NUCB1: variants seen among roughly 807,000 people sequenced by gnomAD.
NUCB1 encodes the protein nucleobindin-1.
NUCB1 carries 47 observed loss-of-function variants against 61.2 expected under a neutral mutation model. That is an observed-to-expected ratio of 0.77 (90% CI 0.61 to 0.98). NUCB1 has a LOEUF of 0.98. Among genes scored for constraint, NUCB1 ranks in the 50% least tolerant of loss-of-function variants. The probability of loss-of-function intolerance (pLI) is 0.00; values close to 1 mark genes in which losing one functional copy is unlikely to be tolerated. For missense variants in NUCB1, 583 were observed against 605.3 expected, an observed-to-expected ratio of 0.96 and a Z score of 0.39; for synonymous variants, 234 against 243.1, an observed-to-expected ratio of 0.96 and a Z score of 0.35.
intron 6 of NUCB1, 24 bp downstream of exon 6, chr19:48,913,220 C>G (rs1274658895): frequency 6.3e-7 from 1 of 1,584,466 alleles, no homozygotes; most frequent in Non-Finnish European, 8.6e-7. Flanking sequence ...TTGTGCCCAT[C>G]CACTCCCTAC....
At chr19:48,909,983 AC>A (rs2037454201) in intron 4 of NUCB1, among the ~76,000 whole-genome samples, 1 of 152,202 alleles carries the variant, frequency 6.6e-6, no homozygotes, top group Non-Finnish European at 1.5e-5. Flanking sequence ...TAGGACTTCA[AC>A]ATAGAAACTT....
intron 3 of NUCB1, 42 bp downstream of exon 3, chr19:48,904,496 G>C (rs1253126600): frequency 7.7e-7 from 1 of 1,302,440 alleles, no homozygotes; most frequent in Non-Finnish European, 1.1e-6. Flanking sequence ...GGTACGTGCT[G>C]GGAGGGCAGA....
At chr19:48,913,747 G>A (rs2037506729) in intron 7 of NUCB1, among the ~76,000 whole-genome samples, 183 bp downstream of exon 7, 1 of 152,156 alleles carries the variant, frequency 6.6e-6, no homozygotes, top group Non-Finnish European at 1.5e-5. Flanking sequence ...GATCTGCATG[G>A]AAGGGTTGGG....
chr19:48,913,411 T>C, intron 6 of NUCB1, 63 bp from the exon 7 acceptor site: 2 of 1,423,002 alleles, frequency 1.4e-6, no homozygotes, highest in Non-Finnish European at 2.0e-6. Context: ...TAAAGGGATA[T>C]TTGGTTTTAT....
At chr19:48,915,855 C>A (rs1313058332) in intron 7 of NUCB1, among the ~76,000 whole-genome samples, 2 of 151,794 alleles carry the variant, frequency 1.3e-5, no homozygotes, top group Non-Finnish European at 2.9e-5. Flanking sequence ...TGCTATGTTG[C>A]CCAGGCTGGA....
At chr19:48,911,636 C>T (rs890776857) in intron 5 of NUCB1, among the ~76,000 whole-genome samples, 1 of 151,934 alleles carries the variant, frequency 6.6e-6, no homozygotes. Context: ...GAACTCCTGA[C>T]CTCAGGTGAT....
chr19:48,911,062 C>G lies in NUCB1; in HGVS notation c.377-87C>G. ...GTCTTCTGGGCTTCCCTAGTGCTGT[C>G]CGTGACTTCTTTGGATCATGTCTGG... On this transcript the variant is annotated intron_variant, in intron 4 of 12. Transcript: ENST00000405315. 3.1e-6 allele frequency: 3 copies of G among 956,950 alleles called. No individual in the cohort carries two copies. In the South Asian group the frequency reaches 4.3e-5, roughly 14 times the overall value. 59.3% of individuals were successfully genotyped at this position (956,950 alleles called of 1,614,324 possible). A position where few individuals can be genotyped will look rare whatever the true frequency, so the allele number is the denominator to read the frequency against.
At chr19:48,918,051 C>A (rs989971024) in intron 7 of NUCB1, among the ~76,000 whole-genome samples, 1 of 152,030 alleles carries the variant, frequency 6.6e-6, no homozygotes, top group African/African-American at 2.4e-5. Context: ...GACCCCCAGG[C>A]CTGAGCCCTG....
intron 4 of NUCB1, among the ~76,000 whole-genome samples, chr19:48,909,519 T>C (rs1019283357): frequency 3.3e-5 from 5 of 151,928 alleles, no homozygotes; most frequent in Non-Finnish European, 7.4e-5. Flanking sequence ...AGTGCTAGGA[T>C]TACAGGTGTG....
At chr19:48,909,984 C>T (rs2037454166) in intron 4 of NUCB1, among the ~76,000 whole-genome samples, 1 of 152,154 alleles carries the variant, frequency 6.6e-6, no homozygotes. Flanking sequence ...AGGACTTCAA[C>T]ATAGAAACTT....
intron 3 of NUCB1, among the ~76,000 whole-genome samples, chr19:48,904,769 A>G (rs2037394833): frequency 6.6e-6 from 1 of 151,950 alleles, no homozygotes; most frequent in Non-Finnish European, 1.5e-5. Context: ...TGATCCTCCC[A>G]TCTCGGCTTC....
rs1362354834 is a variant in NUCB1, at chr19:48,922,420, T to A, written c.1382T>A (p.Leu461Gln). 6.2e-7 allele frequency: 1 copy of A among 1,612,738 alleles called. No homozygotes were observed. The highest frequency in any genetic ancestry group is 8.5e-7 in the Non-Finnish European group (1 of 1,178,968). Residue 461 changes from leucine (L) to glutamine (Q), a missense_variant, in exon 13 of 13, where the codon CTG becomes CAG. Leu to Gln is a moderately radical substitution (Grantham distance 113, BLOSUM62 -2). Coordinates refer to ENST00000405315, the MANE Select transcript of NUCB1 (RefSeq NM_006184.6). ...RLPEVEVPQH[L>Q] The stretch of plus-strand genomic sequence containing the variant: ...CCTGAGGTTGAGGTGCCCCAGCATC[T>A]GTGATCCTCCGGGACCCCAGCCCTC...
chr19:48,921,734 C>A, intron 11 of NUCB1, 93 bp from the exon 12 acceptor site: 1 of 1,197,102 alleles, frequency 8.4e-7, no homozygotes, highest in Non-Finnish European at 1.2e-6. Context: ...ACTTAGCAGG[C>A]TGCTGTGAAG....
rs750775217 is a variant in NUCB1 at position 48,913,143 on chromosome 19, A to G, written c.613A>G (p.Lys205Glu). ...GGAGCAGAGAAAGGAGGCGGAGAGG[A>G]AGCTGGAAGAGCAACAGCGCCGGCA... ...GEEQRKEAER[K>E]LEEQQRRHRE... is the part of the protein sequence containing the mutation. The change falls in exon 6 of 13, where the codon AAG becomes GAG. Residue 205 changes from lysine to glutamate, a missense_variant. Transcript: ENST00000405315. 7 of 1,613,880 alleles carry G rather than the reference A, an allele frequency of 4.3e-6. No homozygotes were observed. The highest frequency in any genetic ancestry group is 5.9e-6 in the Non-Finnish European group (7 of 1,179,978).
At chr19:48,917,286 A>G (rs1176906462) in intron 7 of NUCB1, among the ~76,000 whole-genome samples, 1 of 152,120 alleles carries the variant, frequency 6.6e-6, no homozygotes, top group Non-Finnish European at 1.5e-5. Flanking sequence ...ACAGACCAGA[A>G]TAGGTTCAGA....
intron 4 of NUCB1, among the ~76,000 whole-genome samples, chr19:48,907,841 G>A (rs10416167): frequency 4.0e-5 from 6 of 148,854 alleles, no homozygotes; most frequent in Non-Finnish European, 7.5e-5. Context: ...TGCCCTTCCC[G>A]TATGCACCCT....
At chr19:48,911,553 C>T (rs550462154) in intron 5 of NUCB1, among the ~76,000 whole-genome samples, 1 of 151,954 alleles carries the variant, frequency 6.6e-6, no homozygotes, top group Admixed American at 6.6e-5. Flanking sequence ...TTACAGGTGC[C>T]TGCCGTCACG....
intron 8 of NUCB1, 62 bp downstream of exon 8, chr19:48,918,846 C>CTGCAGTCCCCT: frequency 6.8e-7 from 1 of 1,478,400 alleles, no homozygotes; most frequent in African/African-American, 1.4e-5. Context: ...TTGTTTCCTC[C>CTGCAGTCCCCT]TGCAGTCCCC....
At chr19:48,901,045 A>T in intron 2 of NUCB1, 114 bp downstream of exon 2, 1 of 1,316,022 alleles carries the variant, frequency 7.6e-7, no homozygotes, top group Non-Finnish European at 1.1e-6. Context: ...CTACAGTTGT[A>T]GCTTGTTTTT....
Sources: gnomAD v4.1 joint callset for allele counts (sites outside exome capture counted in the v4.1 genomes callset) on GRCh38, gnomAD v4.1.1 for gene constraint, MANE v1.5 for transcripts, NCBI Gene and HGNC (gene_info 2026-07-23, HGNC 2026-07-21) for gene names.